The following TNK1 variants were observed in gnomAD, a reference collection of about 807,000 sequenced individuals.
TNK1 encodes tyrosine kinase non receptor 1.
In TNK1, 53 loss-of-function variants were observed where a neutral mutation model predicts 65.2. The observed-to-expected ratio is 0.81, with a 90% CI of 0.65 to 1.02. The LOEUF is 1.02. TNK1 is among the 50% of genes least tolerant of loss of function. The pLI is 0.00. For missense variants in TNK1, 837 were observed against 878.4 expected, an observed-to-expected ratio of 0.95 and a Z score of 0.60; for synonymous variants, 353 against 364.6, an observed-to-expected ratio of 0.97 and a Z score of 0.36.
chr17:7,384,783 C>T (rs570952125), intron 7 of TNK1, 29 bp downstream of exon 7: 2 of 1,553,928 alleles, frequency 1.3e-6, no homozygotes, highest in South Asian at 2.4e-5. Flanking sequence ...ACCAGATACA[C>T]AGTCCCTCTT....
rs1454922698 is a variant in TNK1 at position 7,388,598 on chromosome 17, G to GA, written c.1674dup (p.Pro559ThrfsTer14). The GA allele has an allele frequency of 1.2e-6, 2 of 1,613,796 alleles. No homozygotes were observed. Among genetic ancestry groups the GA allele is most frequent in the African/African-American group, 2.7e-5 (2 of 74,892 alleles). Reference sequence around the variant, plus strand: ...AGGGAGAGGCTTCCCTGGCCCAAAAGAAAACCCCCACACAATCACCCCATG... The same window carrying GA: ...AGGGAGAGGCTTCCCTGGCCCAAAAGAAAAACCCCCACACAATCACCCCATG... On this transcript the variant is annotated frameshift_variant, in exon 11 of 13. Coordinates refer to ENST00000688331, the MANE Select transcript of TNK1 (RefSeq NM_003985.6). LOFTEE classifies it high-confidence loss of function. This position sits in a 1 kb window ranked among gnomAD's most constrained non-coding sequence, Gnocchi z 4.5.
In TNK1 at chr17:7,383,635, C is replaced by T. The variant is rs749493798; in HGVS notation, c.426+19C>T. On this transcript the variant is annotated intron_variant, in intron 4 of 12. Transcript: ENST00000688331. Reference sequence around the variant, plus strand: ...CAAGAGTGTGAGTGTCCAGGGAGCCCGCTTCATCCAGGCCAGCTGCCCCCT... The same window carrying T: ...CAAGAGTGTGAGTGTCCAGGGAGCCTGCTTCATCCAGGCCAGCTGCCCCCT... 12 of 1,593,814 alleles carry T rather than the reference C, an allele frequency of 7.5e-6. No homozygotes were observed. Among genetic ancestry groups the T allele is most frequent in the Admixed American group, 3.4e-5 (2 of 58,530 alleles).
rs1022646044 is a variant in TNK1, at chr17:7,384,839, T to A, written c.1137+85T>A. 6.8e-6 allele frequency: 10 copies of A among 1,473,558 alleles called. No individual in the cohort carries two copies. In the African/African-American group the frequency reaches 1.3e-4, roughly 18 times the overall value. The allele number at this position is 1,473,558 out of a possible 1,614,324, so 91.3% of individuals were successfully genotyped here. On this transcript the variant is annotated intron_variant, in intron 7 of 12. Transcript: ENST00000688331. ...GGTTCCATGCGAAGACTAACACATC[T>A]AGATGTCTGTGCTGGGCTCTGGGAC...
At chr17:7,384,457 C>T in intron 6 of TNK1, 27 bp from the exon 7 acceptor site, 1 of 1,503,382 alleles carries the variant, frequency 6.7e-7, no homozygotes, top group Non-Finnish European at 8.9e-7. Context: ...CGTGTCCCGC[C>T]CCTTTCAGCT....
chr17:7,383,059 G>A lies in TNK1; in HGVS notation c.133G>A (p.Asp45Asn), dbSNP rs1306547576. 4 of 1,614,008 alleles carry A rather than the reference G, an allele frequency of 2.5e-6. No individual in the cohort carries two copies. Among genetic ancestry groups the A allele is most frequent in the Non-Finnish European group, 3.4e-6 (4 of 1,179,902 alleles). The change falls in exon 2 of 13, where the codon GAC becomes AAC. Residue 45 changes from aspartate (D) to asparagine (N), a missense_variant. Transcript: ENST00000688331. ...GCACTTCGACTTTGTAAAGCCTGAGGACCTGGACGGCATTGGCATGGGCCG... is the reference window on the plus strand; with the variant it reads ...GCACTTCGACTTTGTAAAGCCTGAGAACCTGGACGGCATTGGCATGGGCCG... The part of the protein sequence containing the change: ...PEHFDFVKPE[D>N]LDGIGMGRPA...
chr17:7,387,340 A>G, intron 9 of TNK1, 38 bp from the exon 10 acceptor site: 1 of 1,575,954 alleles, frequency 6.3e-7, no homozygotes, highest in Non-Finnish European at 8.6e-7. Context: ...GGGTGGGGAG[A>G]GTTGGTGTGG....
intron 6 of TNK1, 36 bp from the exon 7 acceptor site, chr17:7,384,448 G>A (rs781625304): frequency 2.7e-6 from 4 of 1,484,958 alleles, no homozygotes; most frequent in Admixed American, 2.3e-5. Flanking sequence ...CAAGGAGCAC[G>A]TGTCCCGCCC....
chr17:7,383,890 C>G (rs1249958966), intron 5 of TNK1, 26 bp downstream of exon 5: 7 of 1,594,086 alleles, frequency 4.4e-6, no homozygotes, highest in Non-Finnish European at 6.0e-6. Context: ...CGCTGGTTCC[C>G]GGGACAGCCG....
chr17:7,383,269 A>T lies in TNK1; in HGVS notation c.183A>T (p.Glu61Asp), dbSNP rs1399211351. 1.9e-6 allele frequency: 3 copies of T among 1,613,864 alleles called. No individual in the cohort carries two copies. In the African/African-American group the frequency reaches 4.0e-5, roughly 22 times the overall value. ...CCACAGCCCAGCGCAGACTGTCCGA[A>T]GCTCTGAAAAGGCTACGTTCTGGGC... ...MGRPAQRRLS[E>D]ALKRLRSGPK... Residue 61 changes from glutamate (E) to aspartate (D), a missense_variant, in exon 3 of 13, where the codon GAA (glutamate) becomes GAT (aspartate). Glu to Asp is a conservative substitution (Grantham distance 45). Coordinates refer to ENST00000688331, the MANE Select transcript of TNK1 (RefSeq NM_003985.6).
At position 7,382,565 on chromosome 17, in the gene TNK1, G is replaced by A. The variant is rs1904879821; in HGVS notation, c.-91-271G>A. 6.6e-6 allele frequency among the ~76,000 whole-genome samples: 1 copy of A among 152,148 alleles called. No individual in the cohort carries two copies. Among genetic ancestry groups the A allele is most frequent in the South Asian group, 2.1e-4 (1 of 4,832 alleles). ...GCCACTGCGTAGCTCAGGTCTAAAA[G>A]GGCAGTGTTTCTGGGTGTCCGGGTG... On this transcript the variant is annotated intron_variant, in intron 1 of 12. Coordinates refer to ENST00000688331, the MANE Select transcript of TNK1 (RefSeq NM_003985.6). The surrounding 1 kb of genome is among the most constrained non-coding windows in gnomAD (Gnocchi z 4.1).
chr17:7,387,666 G>A (rs375564089), intron 10 of TNK1, among the ~76,000 whole-genome samples: 17 of 148,944 alleles, frequency 1.1e-4, no homozygotes, highest in African/African-American at 3.7e-4. Context: ...GTGCAGTAGC[G>A]TGATCTTGGC....
rs1905386606 is a variant in TNK1 at position 7,388,866 on chromosome 17, G to T, written c.1855G>T (p.Ala619Ser). ...LGATGGDVVS[A>S]IRNLKVDQLF... Reference sequence around the variant, plus strand: ...AGCCACTGGGGGAGATGTGGTTTCTGCCATCCGGAACCTCAAGGTAAAGCC... The same window carrying T: ...AGCCACTGGGGGAGATGTGGTTTCTTCCATCCGGAACCTCAAGGTAAAGCC... The change falls in exon 12 of 13, where the codon GCC becomes TCC. Residue 619 changes from alanine to serine, a missense_variant. Ala to Ser is a moderately conservative substitution (Grantham distance 99). Coordinates refer to ENST00000688331, the MANE Select transcript of TNK1 (RefSeq NM_003985.6). The surrounding 1 kb of genome is among the most constrained non-coding windows in gnomAD (Gnocchi z 4.5). The T allele has an allele frequency of 6.3e-7, 1 of 1,599,834 alleles. No homozygotes were observed. Among genetic ancestry groups the T allele is most frequent in the African/African-American group, 1.3e-5 (1 of 74,626 alleles).
At position 7,383,696 on chromosome 17, in the gene TNK1, C is replaced by T. The variant is rs781658729; in HGVS notation, c.427-13C>T. The T allele has an allele frequency of 5.0e-6, 8 of 1,609,558 alleles. No individual in the cohort carries two copies. Among genetic ancestry groups the T allele is most frequent in the Non-Finnish European group, 6.8e-6 (8 of 1,177,498 alleles). On this transcript the variant is annotated splice_polypyrimidine_tract_variant and intron_variant, in intron 4 of 12. Coordinates refer to ENST00000688331, the MANE Select transcript of TNK1 (RefSeq NM_003985.6). ...TGCCCGCAATGCCTAAAGGCGCTTCCCCCCACCTCCAGGTCCCAGTGGCTG... is the reference window on the plus strand; with the variant it reads ...TGCCCGCAATGCCTAAAGGCGCTTCTCCCCACCTCCAGGTCCCAGTGGCTG...
Position 7,388,542 on chromosome 17 carries a change from C to T in TNK1, c.1614C>T (p.Ser538=), listed in dbSNP as rs1259956349. ...GCCTGCCTCCACGCCCACCTTTATC[C>T]TCTAGCTCTCCTCAGCCCAGCCAGC... The part of the protein sequence containing the change: ...PPGLPPRPPL[S]SSSPQPSQPS... The change falls in exon 11 of 13, where the codon TCC becomes TCT. Residue 538 remains serine (S), a synonymous_variant. Coordinates refer to ENST00000688331, the MANE Select transcript of TNK1 (RefSeq NM_003985.6). This position sits in a 1 kb window ranked among gnomAD's most constrained non-coding sequence, Gnocchi z 4.5. 3 of 1,613,874 alleles carry T rather than the reference C, an allele frequency of 1.9e-6. No homozygotes were observed. Among genetic ancestry groups the T allele is most frequent in the Admixed American group, 1.7e-5 (1 of 59,998 alleles).
chr17:7,383,222 C>A, intron 2 of TNK1, 28 bp from the exon 3 acceptor site: 1 of 1,613,948 alleles, frequency 6.2e-7, no homozygotes, highest in Non-Finnish European at 8.5e-7. Flanking sequence ...CCCACCTCCA[C>A]TCCAGCCCTG....
chr17:7,386,012 A>T (rs749480822), intron 7 of TNK1, among the ~76,000 whole-genome samples: 3 of 152,012 alleles, frequency 2.0e-5, no homozygotes, highest in Non-Finnish European at 4.4e-5. Context: ...AAGCTGCTAC[A>T]CTCTACCACT....
At position 7,384,505 on chromosome 17, in the gene TNK1, C is replaced by T; in HGVS notation, c.888C>T (p.Arg296=). 6.3e-7 allele frequency: 1 copy of T among 1,577,152 alleles called. No homozygotes were observed. Among genetic ancestry groups the T allele is most frequent in the African/African-American group, 1.3e-5 (1 of 74,534 alleles). Residue 296 remains arginine, a synonymous_variant, in exon 7 of 13, where the codon CGC becomes CGT. Transcript: ENST00000688331. Reference sequence around the variant, plus strand: ...GCAGGTGTGCCCCAGAGAGCCTGCGCCACGGAGCCTTCTCGTCTGCCTCGG... The same window carrying T: ...GCAGGTGTGCCCCAGAGAGCCTGCGTCACGGAGCCTTCTCGTCTGCCTCGG... ...PYAWCAPESL[R]HGAFSSASDV...
At chr17:7,387,330 G>A in intron 9 of TNK1, 48 bp from the exon 10 acceptor site, 2 of 1,567,846 alleles carry the variant, frequency 1.3e-6, no homozygotes, top group Non-Finnish European at 1.7e-6. Flanking sequence ...TTGATCTGTG[G>A]GGTGGGGAGA....
Position 7,384,037 on chromosome 17 carries a change from T to C in TNK1, c.650T>C (p.Leu217Pro). Residue 217 changes from leucine to proline, a missense_variant, in exon 6 of 13, where the codon CTG (leucine) becomes CCG (proline). By Grantham distance (98) the Leu-to-Pro change is moderately conservative. Coordinates refer to ENST00000688331, the MANE Select transcript of TNK1 (RefSeq NM_003985.6). ...RLTAPAPTPPLLVALLCLFLR... is the reference protein window; with the variant it reads ...RLTAPAPTPPPLVALLCLFLR... ...ACGGCCCCGGCCCCGACACCCCCGC[T>C]GCTCGTGGCCCTGCTCTGCCTCTTC... is the stretch of plus-strand genomic sequence containing the variant. The C allele has an allele frequency of 6.6e-7, 1 of 1,518,548 alleles. No homozygotes were observed. The highest frequency in any genetic ancestry group is 8.8e-7 in the Non-Finnish European group (1 of 1,138,052). 94.1% of individuals were successfully genotyped at this position (1,518,548 alleles called of 1,614,324 possible). A position where few individuals can be genotyped will look rare whatever the true frequency, so the allele number is the denominator to read the frequency against.
Sources: allele counts gnomAD v4.1 joint callset (sites outside exome capture counted in the v4.1 genomes callset), GRCh38; gene constraint gnomAD v4.1.1; non-coding constraint Gnocchi (gnomAD v3.1); transcripts MANE v1.5; gene names NCBI Gene and HGNC (gene_info 2026-07-23, HGNC 2026-07-21).